The following SLC17A5 variants were observed in gnomAD, a reference collection of about 807,000 sequenced individuals.
SLC17A5 encodes sialin.
SLC17A5 carries 47 observed loss-of-function variants against 59.4 expected under a neutral mutation model. The observed-to-expected ratio is 0.79, with a 90% CI of 0.63 to 1.01. The LOEUF is 1.01. SLC17A5 is among the 50% of genes least tolerant of loss of function. SLC17A5 has a pLI of 0.00. For synonymous variants in SLC17A5, 202 were observed against 210.7 expected (o/e 0.96, Z 0.36); for missense variants, 522 against 595.5 (o/e 0.88, Z 1.28).
chr6:73,626,957 G>C (rs1768447389), intron 6 of SLC17A5, among the ~76,000 whole-genome samples: 1 of 151,978 alleles, frequency 6.6e-6, no homozygotes, highest in African/African-American at 2.4e-5. Context: ...TTTTGGTAGA[G>C]ATGGGGGTTT....
At chr6:73,647,061 T>C (rs1008150091) in intron 1 of SLC17A5, among the ~76,000 whole-genome samples, 2 of 152,194 alleles carry the variant, frequency 1.3e-5, no homozygotes, top group African/African-American at 2.4e-5. Flanking sequence ...GCTAAATGTG[T>C]GCATTAAAAT....
At chr6:73,624,656 A>C (rs1455200435) in intron 6 of SLC17A5, among the ~76,000 whole-genome samples, 2 of 152,070 alleles carry the variant, frequency 1.3e-5, no homozygotes, top group Non-Finnish European at 2.9e-5. Flanking sequence ...CAGGCGGATC[A>C]TGAGGTCAAG....
At chr6:73,604,580 CA>C (rs1474719306) in intron 9 of SLC17A5, among the ~76,000 whole-genome samples, 2 of 151,874 alleles carry the variant, frequency 1.3e-5, no homozygotes, top group African/African-American at 2.4e-5. Flanking sequence ...CCTCTCTCTA[CA>C]AAAACTAAAA....
chr6:73,596,220 T>A (rs1372339842), intron 10 of SLC17A5, among the ~76,000 whole-genome samples: 2 of 152,156 alleles, frequency 1.3e-5, no homozygotes, highest in African/African-American at 4.8e-5. Flanking sequence ...TAACACTAAC[T>A]AACACTAAGA....
intron 1 of SLC17A5, among the ~76,000 whole-genome samples, chr6:73,646,841 T>A: frequency 6.6e-6 from 1 of 152,074 alleles, no homozygotes. Flanking sequence ...TCTGACTAAT[T>A]TTTAAATTTT....
chr6:73,653,781 C>A lies in SLC17A5; in HGVS notation c.94+12G>T. The A allele has an allele frequency of 6.3e-7, 1 of 1,575,018 alleles. No homozygotes were observed. Among genetic ancestry groups the A allele is most frequent in the Non-Finnish European group, 8.6e-7 (1 of 1,160,860 alleles). ...TGCCCACTCGAAGCCCCTGGACGAC[C>A]CCGCCGCTTACCGGCTTCGGCCCGT... On this transcript the variant is annotated intron_variant, in intron 1 of 10. Transcript: ENST00000355773.
At chr6:73,650,543 A>G (rs1053808107) in intron 1 of SLC17A5, among the ~76,000 whole-genome samples, 3 of 151,224 alleles carry the variant, frequency 2.0e-5, no homozygotes, top group Non-Finnish European at 4.4e-5. Context: ...AAAAAGAAAA[A>G]AATTAGCCAG....
chr6:73,616,475 T>G (rs529499919), intron 7 of SLC17A5, among the ~76,000 whole-genome samples: 1 of 151,796 alleles, frequency 6.6e-6, no homozygotes, highest in African/African-American at 2.4e-5. Context: ...TTCTTACAAT[T>G]TATCTATTTC....
rs1562004003 is a variant in SLC17A5 at position 73,653,498 on chromosome 6, T to TCCCCCCCCCCC, written c.94+294_94+295insGGGGGGGGGGG. 7.4e-6 allele frequency: 7 copies of TCCCCCCCCCCC among 951,472 alleles called. No individual in the cohort carries two copies. In the African/African-American group the frequency reaches 1.4e-4, roughly 19 times the overall value. 58.9% of individuals were successfully genotyped at this position (951,472 alleles called of 1,614,324 possible). A position where few individuals can be genotyped will look rare whatever the true frequency, so the allele number is the denominator to read the frequency against. ...AGCTCAGCGCCGGCTGCACCGCCGC[T>TCCCCCCCCCCC]CCCCCGCCCCCGCCCCCGCCCCCGC... On this transcript the variant is annotated intron_variant, in intron 1 of 10. Coordinates refer to ENST00000355773, the MANE Select transcript of SLC17A5 (RefSeq NM_012434.5).
chr6:73,642,770 T>C (rs1410456580), intron 2 of SLC17A5, among the ~76,000 whole-genome samples: 2 of 152,216 alleles, frequency 1.3e-5, no homozygotes, highest in Non-Finnish European at 2.9e-5. Context: ...CTACTGCTGA[T>C]ATAAGGCAGA....
At position 73,623,662 on chromosome 6, in the gene SLC17A5, TTTTATTTATTTATTTA is replaced by T. The variant is rs145897192; in HGVS notation, c.820-1716_820-1701del. Among the ~76,000 whole-genome samples, 102 of 136,754 alleles carry T rather than the reference TTTTATTTATTTATTTA, an allele frequency of 7.5e-4. 1 individual carries two copies. Among genetic ancestry groups the T allele is most frequent in the East Asian group, 2.4e-3 (11 of 4,598 alleles). The allele number at this position is 136,754 out of a possible 152,430, so 89.7% of individuals were successfully genotyped here. ...GTGATTTATTTTAAGTGTCTTTTATTTTTATTTATTTATTTATTTATTTATTTATTTATTTATTTAT... is the reference window on the plus strand; with the variant it reads ...GTGATTTATTTTAAGTGTCTTTTATTTTTATTTATTTATTTATTTATTTAT... On this transcript the variant is annotated intron_variant, in intron 6 of 10. Coordinates refer to ENST00000355773, the MANE Select transcript of SLC17A5 (RefSeq NM_012434.5).
chr6:73,648,627 T>C (rs952313445), intron 1 of SLC17A5, among the ~76,000 whole-genome samples: 1 of 152,190 alleles, frequency 6.6e-6, no homozygotes, highest in South Asian at 2.1e-4. Flanking sequence ...AGCAGGCACT[T>C]AGTAAAAAGG....
intron 6 of SLC17A5, among the ~76,000 whole-genome samples, chr6:73,623,913 G>A (rs1485984633): frequency 6.7e-6 from 1 of 149,622 alleles, no homozygotes; most frequent in Non-Finnish European, 1.5e-5. Flanking sequence ...TAGCCAGGAT[G>A]GTCTCGATCT....
chr6:73,616,325 A>G (rs564144405), intron 7 of SLC17A5, among the ~76,000 whole-genome samples: 26 of 152,192 alleles, frequency 1.7e-4, no homozygotes, highest in Non-Finnish European at 3.2e-4. Flanking sequence ...GTGTATAGTA[A>G]TCATGTACTC....
At chr6:73,604,811 C>T (rs1421652621) in intron 9 of SLC17A5, among the ~76,000 whole-genome samples, 1 of 151,944 alleles carries the variant, frequency 6.6e-6, no homozygotes, top group African/African-American at 2.4e-5. Flanking sequence ...AAGTAAAGGC[C>T]TATAAAATCC....
chr6:73,651,735 C>G (rs1469528344), intron 1 of SLC17A5, among the ~76,000 whole-genome samples: 1 of 151,656 alleles, frequency 6.6e-6, no homozygotes, highest in Non-Finnish European at 1.5e-5. Flanking sequence ...GTAGGGACGG[C>G]GTTTCAGGCG....
Position 73,601,739 on chromosome 6 carries a change from C to T in SLC17A5, c.1260-1298G>A, listed in dbSNP as rs1419551390. ...GCCGCCCCGTCCGGGAGGTGAGGGG[C>T]GCCTCTGCCCAGCCGCCCCTACTGA... On this transcript the variant is annotated intron_variant, in intron 9 of 10. Coordinates refer to ENST00000355773, the MANE Select transcript of SLC17A5 (RefSeq NM_012434.5). Among the ~76,000 whole-genome samples the T allele has an allele frequency of 1.8e-3, 219 of 121,722 alleles. 17 individuals carry two copies. The highest frequency in any genetic ancestry group is 6.9e-3 in the African/African-American group (207 of 29,880). 79.9% of individuals were successfully genotyped at this position (121,722 alleles called of 152,430 possible). A position where few individuals can be genotyped will look rare whatever the true frequency, so the allele number is the denominator to read the frequency against.
At chr6:73,600,216 G>A (rs1256549054) in intron 10 of SLC17A5, 135 bp downstream of exon 10, 2 of 728,598 alleles carry the variant, frequency 2.7e-6, no homozygotes, top group South Asian at 3.1e-5. Context: ...ATCCATTAAG[G>A]CATTTAGCTT....
chr6:73,606,403 A>T (rs1767393593), intron 9 of SLC17A5, among the ~76,000 whole-genome samples: 1 of 152,234 alleles, frequency 6.6e-6, no homozygotes, highest in Non-Finnish European at 1.5e-5. Context: ...AGTCCTCATT[A>T]TCTGAGGCAC....
Sources: gnomAD v4.1 joint callset for allele counts (sites outside exome capture counted in the v4.1 genomes callset) on GRCh38, gnomAD v4.1.1 for gene constraint, MANE v1.5 for transcripts, NCBI Gene and HGNC (gene_info 2026-07-23, HGNC 2026-07-21) for gene names.